The following NPHP3 variants were observed in gnomAD, a reference collection of about 807,000 sequenced individuals.
NPHP3 encodes nephrocystin-3.
Under a neutral mutation model 171.9 loss-of-function variants are expected in NPHP3, and 123 were observed. The observed-to-expected ratio is 0.72, with a 90% CI of 0.62 to 0.83. NPHP3 has a LOEUF of 0.83. Among genes scored for constraint, NPHP3 ranks in the 40% least tolerant of loss-of-function variants. The pLI is 0.00. For synonymous variants in NPHP3, 558 were observed against 579.2 expected (o/e 0.96, Z 0.52); for missense variants, 1,506 against 1,591.9 (o/e 0.95, Z 0.92).
In NPHP3 at chr3:132,684,553, C is replaced by G. The variant is rs1158083766; in HGVS notation, c.3570+1G>C. ...ATGTAAGAATGTCAAAGCTTACTTA[C>G]CATTTTCTTATACAAGATGGCAAGA... On this transcript the variant is annotated splice_donor_variant, in intron 24 of 26. Coordinates refer to ENST00000337331, the MANE Select transcript of NPHP3 (RefSeq NM_153240.5). LOFTEE classifies it high-confidence loss of function. 6.2e-7 allele frequency: 1 copy of G among 1,613,836 alleles called. No individual in the cohort carries two copies. Among genetic ancestry groups the G allele is most frequent in the South Asian group, 1.1e-5 (1 of 91,068 alleles).
chr3:132,699,336 TA>T lies in NPHP3; in HGVS notation c.1985+16del. On this transcript the variant is annotated intron_variant, in intron 13 of 26. Coordinates refer to ENST00000337331, the MANE Select transcript of NPHP3 (RefSeq NM_153240.5). ...AACATTTCATGTACTCTGAAAGAACTAAAGTTGGCATCGTACCTCCATGCTG... is the reference window on the plus strand; with the variant it reads ...AACATTTCATGTACTCTGAAAGAACTAAGTTGGCATCGTACCTCCATGCTG... The T allele has an allele frequency of 6.5e-7, 1 of 1,548,810 alleles. No homozygotes were observed. Among genetic ancestry groups the T allele is most frequent in the Non-Finnish European group, 8.9e-7 (1 of 1,121,766 alleles).
intron 6 of NPHP3, among the ~76,000 whole-genome samples, chr3:132,709,271 CCTT>C: frequency 7.3e-6 from 1 of 136,238 alleles, no homozygotes; most frequent in South Asian, 2.3e-4. Flanking sequence ...TCTTTCTCTC[CCTT>C]TTTTTTTTTT....
Position 132,684,736 on chromosome 3 carries a change from C to G in NPHP3, c.3388G>C (p.Asp1130His), listed in dbSNP as rs1411184505. 6.2e-7 allele frequency: 1 copy of G among 1,614,042 alleles called. No homozygotes were observed. The highest frequency in any genetic ancestry group is 8.5e-7 in the Non-Finnish European group (1 of 1,179,980). The change falls in exon 24 of 27, where the codon GAT becomes CAT. Residue 1130 changes from aspartate (D) to histidine (H), a missense_variant. Transcript: ENST00000337331. Reference protein sequence around the residue: ...LEMRERVLGPDHPDCAQSLNN... With the variant: ...LEMRERVLGPHHPDCAQSLNN... Reference sequence around the variant, plus strand: ...AAAGACTGAGCACAGTCAGGGTGATCTGGTCCTAGAACTCGCTCCCTCATT... The same window carrying G: ...AAAGACTGAGCACAGTCAGGGTGATGTGGTCCTAGAACTCGCTCCCTCATT...
chr3:132,700,419 T>A lies in NPHP3; in HGVS notation c.1658A>T (p.Asn553Ile). The A allele has an allele frequency of 6.2e-7, 1 of 1,611,702 alleles. No homozygotes were observed. The highest frequency in any genetic ancestry group is 8.5e-7 in the Non-Finnish European group (1 of 1,178,772). ...CACAAAATGGGAAAGAATCAGTGTG[T>A]TGGGGGAATTCTTCTGTTGTAATTG... ...WIQLQQKNSP[N>I]TLILSHFVGR... Residue 553 changes from asparagine to isoleucine, a missense_variant, in exon 11 of 27, where the codon AAC becomes ATC. By Grantham distance (149) the Asn-to-Ile change is moderately radical. This residue lies in a region of NPHP3 where 930 missense variants were observed against 924.9 expected (regional missense o/e 1.01). Coordinates refer to ENST00000337331, the MANE Select transcript of NPHP3 (RefSeq NM_153240.5).
rs1264880571 is a variant in NPHP3 at position 132,701,414 on chromosome 3, T to C, written c.1628+16A>G. On this transcript the variant is annotated intron_variant, in intron 10 of 26. Coordinates refer to ENST00000337331, the MANE Select transcript of NPHP3 (RefSeq NM_153240.5). ...TCAAACAATGACAACAATAATTTAA[T>C]TGCACTGCATCATACCACTTTGATA... The C allele has an allele frequency of 3.4e-6, 5 of 1,489,772 alleles. No homozygotes were observed. The highest frequency in any genetic ancestry group is 4.7e-6 in the Non-Finnish European group (5 of 1,067,070). The allele number at this position is 1,489,772 out of a possible 1,614,324, so 92.3% of individuals were successfully genotyped here.
Position 132,709,150 on chromosome 3 carries a change from C to CA in NPHP3, c.1119-894dup, listed in dbSNP as rs200838084. Among the ~76,000 whole-genome samples, 401 of 151,608 alleles carry CA rather than the reference C, an allele frequency of 2.6e-3. 5 individuals are homozygous for CA. Among genetic ancestry groups the CA allele is most frequent in the East Asian group, 0.025 (129 of 5,172 alleles). On this transcript the variant is annotated intron_variant, in intron 6 of 26. Coordinates refer to ENST00000337331, the MANE Select transcript of NPHP3 (RefSeq NM_153240.5). ...ACTGAGGTGAAGGTAAAAAAAATCCCAAAAAACAACTTTGTTATAGGGAAC... is the reference window on the plus strand; with the variant it reads ...ACTGAGGTGAAGGTAAAAAAAATCCCAAAAAAACAACTTTGTTATAGGGAAC...
intron 26 of NPHP3, 73 bp from the exon 27 acceptor site, chr3:132,682,163 T>C (rs1466761088): frequency 7.3e-7 from 1 of 1,365,798 alleles, no homozygotes; most frequent in African/African-American, 1.4e-5. Flanking sequence ...CCTTATGGGA[T>C]ACAGAAAAAG....
At position 132,689,279 on chromosome 3, in the gene NPHP3, A is replaced by G; in HGVS notation, c.2694-16T>C. 6.2e-7 allele frequency: 1 copy of G among 1,613,344 alleles called. No individual in the cohort carries two copies. The highest frequency in any genetic ancestry group is 1.7e-5 in the Admixed American group (1 of 60,030). On this transcript the variant is annotated splice_polypyrimidine_tract_variant and intron_variant, in intron 19 of 26. Transcript: ENST00000337331. ...AAAGTGTCCCCTGTTTCAACAAATA[A>G]CAGTACTTTAATGAAAAACACACTT... is the stretch of plus-strand genomic sequence containing the variant.
At position 132,700,363 on chromosome 3, in the gene NPHP3, A is replaced by G. The variant is rs781274734; in HGVS notation, c.1714T>C (p.Ser572Pro). 1 of 1,610,904 alleles carries G rather than the reference A, an allele frequency of 6.2e-7. No individual in the cohort carries two copies. The highest frequency in any genetic ancestry group is 1.1e-5 in the South Asian group (1 of 91,006). Reference protein sequence around the residue: ...GRPMSTSSESSLIIKRLTLKL... With the variant: ...GRPMSTSSESPLIIKRLTLKL... ...AGAGTTAGTCGTTTAATAATCAAGG[A>G]GGACTCTGAGCTGGTTGACATGGGC... is the stretch of plus-strand genomic sequence containing the variant. Residue 572 changes from serine to proline, a missense_variant, in exon 11 of 27, where the codon TCC (serine) becomes CCC (proline). Physicochemically the swap from Ser to Pro is moderately conservative, Grantham distance 74. Transcript: ENST00000337331.
At position 132,689,180 on chromosome 3, in the gene NPHP3, A is replaced by C; in HGVS notation, c.2777T>G (p.Leu926Trp). The C allele has an allele frequency of 6.2e-7, 1 of 1,614,146 alleles. No individual in the cohort carries two copies. The highest frequency in any genetic ancestry group is 8.5e-7 in the Non-Finnish European group (1 of 1,179,976). ...SAMATEYFDS[L>W]KQYEKNCEGE... is the part of the protein sequence containing the mutation. ...TTCGCAGTTTTTCTCATACTGCTTCAATGAATCGAAGTATTCTGTTGCCAT... is the reference window on the plus strand; with the variant it reads ...TTCGCAGTTTTTCTCATACTGCTTCCATGAATCGAAGTATTCTGTTGCCAT... The change falls in exon 20 of 27, where the codon TTG (leucine) becomes TGG (tryptophan). Residue 926 changes from leucine (L) to tryptophan (W), a missense_variant. By Grantham distance (61) the Leu-to-Trp change is moderately conservative (BLOSUM62 -2). Around this residue, in one of 3 missense-constraint regions of NPHP3, gnomAD observed 569 missense variants for 648.1 expected, o/e 0.88. Coordinates refer to ENST00000337331, the MANE Select transcript of NPHP3 (RefSeq NM_153240.5).
At chr3:132,708,421 C>T (rs766132948) in intron 6 of NPHP3, among the ~76,000 whole-genome samples, 164 bp from the exon 7 acceptor site, 1 of 152,222 alleles carries the variant, frequency 6.6e-6, no homozygotes, top group Non-Finnish European at 1.5e-5. Context: ...TGTGTTATGG[C>T]TCTCTTCCAG....
intron 16 of NPHP3, among the ~76,000 whole-genome samples, chr3:132,694,353 TTATG>T (rs1224348178): frequency 7.4e-6 from 1 of 134,606 alleles, no homozygotes; most frequent in East Asian, 2.2e-4. Context: ...TTGAAGGAAA[TTATG>T]TGTGTGTGTG....
intron 1 of NPHP3, among the ~76,000 whole-genome samples, chr3:132,721,115 A>G (rs759964046): frequency 2.6e-4 from 39 of 151,978 alleles, no homozygotes; most frequent in Non-Finnish European, 4.9e-4. Flanking sequence ...ACGGGGTTTC[A>G]CCATGTTGGC....
Position 132,694,826 on chromosome 3 carries a change from C to T in NPHP3, c.2310+1G>A, listed in dbSNP as rs1939404340. ...CTTTTTATAAGTTTATTACATTCTA[C>T]CTGCTTCATTAGCTCTTTATCCACA... is the stretch of plus-strand genomic sequence containing the variant. On this transcript the variant is annotated splice_donor_variant, in intron 16 of 26. Coordinates refer to ENST00000337331, the MANE Select transcript of NPHP3 (RefSeq NM_153240.5). LOFTEE classifies it high-confidence loss of function. 6.2e-7 allele frequency: 1 copy of T among 1,612,838 alleles called. No individual in the cohort carries two copies. The highest frequency in any genetic ancestry group is 1.7e-5 in the Admixed American group (1 of 59,998).
At position 132,722,064 on chromosome 3, in the gene NPHP3, A is replaced by C; in HGVS notation, c.292T>G (p.Tyr98Asp). 1 of 1,611,692 alleles carries C rather than the reference A, an allele frequency of 6.2e-7. No homozygotes were observed. The highest frequency in any genetic ancestry group is 1.7e-5 in the Admixed American group (1 of 59,916). ...TTCTTGCTGACGCGAAAGATCTCGT[A>C]CTCCTTCCTGAGCCGCTCGTACTCG... is the stretch of plus-strand genomic sequence containing the variant. ...AAEYERLRKEYEIFRVSKNQE... is the reference protein window; with the variant it reads ...AAEYERLRKEDEIFRVSKNQE... The change falls in exon 1 of 27, where the codon TAC (tyrosine) becomes GAC (aspartate). Residue 98 changes from tyrosine (Y) to aspartate (D), a missense_variant. Physicochemically the swap from Tyr to Asp is radical, Grantham distance 160. Coordinates refer to ENST00000337331, the MANE Select transcript of NPHP3 (RefSeq NM_153240.5).
chr3:132,701,390 C>T, intron 10 of NPHP3, 40 bp downstream of exon 10: 1 of 1,378,640 alleles, frequency 7.3e-7, no homozygotes, highest in East Asian at 2.3e-5. Flanking sequence ...TTCAGTAATT[C>T]AAACAATGAC....
intron 26 of NPHP3, 43 bp from the exon 27 acceptor site, chr3:132,682,133 C>T: frequency 6.5e-7 from 1 of 1,545,338 alleles, no homozygotes; most frequent in Non-Finnish European, 8.9e-7. Flanking sequence ...AGAATATAAC[C>T]TCTTACCAAT....
chr3:132,699,528 A>C, intron 12 of NPHP3, 78 bp from the exon 13 acceptor site: 3 of 931,668 alleles, frequency 3.2e-6, no homozygotes, highest in Non-Finnish European at 5.0e-6. Context: ...CCCAAATAAA[A>C]TGAAATTCTC....
chr3:132,685,903 T>C, intron 23 of NPHP3: 1 of 264,710 alleles, frequency 3.8e-6, no homozygotes, highest in Non-Finnish European at 7.4e-6. Context: ...TGCAAAAAAT[T>C]AGTCGGGCGT....
Sources: allele counts gnomAD v4.1 joint callset (sites outside exome capture counted in the v4.1 genomes callset), GRCh38; gene constraint gnomAD v4.1.1; regional missense constraint gnomAD v4.1.1; transcripts MANE v1.5; gene names NCBI Gene and HGNC (gene_info 2026-07-23, HGNC 2026-07-21).